TCEA2: variants seen among roughly 807,000 people sequenced by gnomAD.
TCEA2 encodes transcription elongation factor A2.
TCEA2 carries 21 observed loss-of-function variants against 40.8 expected under a neutral mutation model. The ratio of observed to expected loss-of-function variants is 0.51; its 90% CI spans 0.36 to 0.74. The LOEUF (loss-of-function observed/expected upper bound fraction) is 0.74, where lower values mean the gene tolerates loss of function less well. TCEA2 is among the 30% of genes least tolerant of loss of function. The pLI, the probability that TCEA2 is intolerant of heterozygous loss-of-function variation, is 0.00. For missense variants in TCEA2, 326 were observed against 426.5 expected, an observed-to-expected ratio of 0.76 and a Z score of 2.08; for synonymous variants, 165 against 162.7, an observed-to-expected ratio of 1.01 and a Z score of -0.11.
chr20:64,063,817 A>C (rs2145458894), intron 1 of TCEA2: 1 of 171,574 alleles, frequency 5.8e-6, no homozygotes, highest in Non-Finnish European at 1.2e-5. Context: ...GCCTTCCTCC[A>C]TCCCGGCCTG....
At chr20:64,069,521 C>G in intron 5 of TCEA2, 30 bp downstream of exon 5, 1 of 1,606,662 alleles carries the variant, frequency 6.2e-7, no homozygotes, top group Non-Finnish European at 8.5e-7. Context: ...GCTCCTGACA[C>G]CCGCTGTGGT....
Position 64,066,518 on chromosome 20 carries a change from A to G in TCEA2, c.115A>G (p.Ile39Val), listed in dbSNP as rs750355777. 8 of 1,613,732 alleles carry G rather than the reference A, an allele frequency of 5.0e-6. No homozygotes were observed. In the South Asian group the frequency reaches 7.7e-5, roughly 16 times the overall value. ...DLLRELKAMPITLHLLQSTRV... is the reference protein window; with the variant it reads ...DLLRELKAMPVTLHLLQSTRV... ...GCTGCGGGAGCTGAAGGCCATGCCT[A>G]TCACGCTGCACCTGCTCCAGGTAGG... Residue 39 changes from isoleucine to valine, a missense_variant, in exon 2 of 10, where the codon ATC becomes GTC. Coordinates refer to ENST00000343484, the MANE Select transcript of TCEA2 (RefSeq NM_003195.6).
upstream of TCEA2, among the ~76,000 whole-genome samples, chr20:64,060,705 TTAA>T (rs1367756829): frequency 8.5e-5 from 13 of 152,250 alleles, no homozygotes; most frequent in African/African-American, 2.9e-4. Context: ...TGTTCATCTA[TTAA>T]TAATAATAAT....
intron 1 of TCEA2, chr20:64,063,606 T>A: frequency 1.7e-6 from 1 of 597,666 alleles, no homozygotes; most frequent in Non-Finnish European, 2.9e-6. Flanking sequence ...GAGGCCGCGA[T>A]CAGGCCTGGA....
upstream of TCEA2, among the ~76,000 whole-genome samples, chr20:64,061,153 T>G (rs1409974107): frequency 1.6e-5 from 2 of 127,090 alleles, no homozygotes; most frequent in Non-Finnish European, 3.1e-5. Context: ...CAGGCTGGAG[T>G]GCAGTGGCAC....
chr20:64,063,406 G>A (rs2059613195), intron 1 of TCEA2, 22 bp downstream of exon 1: 2 of 1,541,762 alleles, frequency 1.3e-6, no homozygotes, highest in East Asian at 2.5e-5. Flanking sequence ...GGGCCGCCAG[G>A]ACCCCGGGAA....
At chr20:64,069,528 T>C in intron 5 of TCEA2, 37 bp downstream of exon 5, 2 of 1,604,428 alleles carry the variant, frequency 1.2e-6, no homozygotes, top group Non-Finnish European at 1.7e-6. Context: ...ACACCCGCTG[T>C]GGTTCACAGG....
chr20:64,071,990 T>G, intron 9 of TCEA2, 49 bp downstream of exon 9: 1 of 1,611,700 alleles, frequency 6.2e-7, no homozygotes, highest in Non-Finnish European at 8.5e-7. Context: ...TCTCTGGAGG[T>G]GGGGTGTCTC....
In TCEA2 at chr20:64,066,925, TC is replaced by T; in HGVS notation, c.147del (p.Met51CysfsTer96). The T allele has an allele frequency of 6.2e-7, 1 of 1,613,508 alleles. No homozygotes were observed. The stretch of plus-strand genomic sequence containing the variant: ...CCACTTGCCTCGTAGTCCACCCGAG[TC>T]GGGATGTCTGTCAACGCCCTTCGGA... ...ITLHLLQSTR[V>X]GMSVNALRKQ... On this transcript the variant is annotated frameshift_variant, in exon 3 of 10. Transcript: ENST00000343484. LOFTEE classifies it high-confidence loss of function.
chr20:64,062,372 T>G (rs371943777), upstream of TCEA2: 2 of 152,328 alleles, frequency 1.3e-5, no homozygotes, highest in Non-Finnish European at 2.9e-5. Flanking sequence ...CCTAGGGACC[T>G]CCAACAACAA....
upstream of TCEA2, among the ~76,000 whole-genome samples, chr20:64,060,408 G>A (rs538216398): frequency 3.9e-5 from 6 of 152,332 alleles, no homozygotes; most frequent in South Asian, 2.1e-4. Flanking sequence ...CTGGCCGCCC[G>A]GACCTCCGAA....
chr20:64,070,355 C>G lies in TCEA2; in HGVS notation c.613C>G (p.Arg205Gly). The G allele has an allele frequency of 6.2e-7, 1 of 1,614,214 alleles. No homozygotes were observed. Among genetic ancestry groups the G allele is most frequent in the Non-Finnish European group, 8.5e-7 (1 of 1,180,036 alleles). ...GAAGGATGCCAAGAACCCTGACCTG[C>G]GGCGGAATGTGCTGTGTGGGGCCAT... ...NLKDAKNPDL[R>G]RNVLCGAITP... Residue 205 changes from arginine to glycine, a missense_variant, in exon 7 of 10, where the codon CGG (arginine) becomes GGG (glycine). By Grantham distance (125) the Arg-to-Gly change is moderately radical (BLOSUM62 -2). Coordinates refer to ENST00000343484, the MANE Select transcript of TCEA2 (RefSeq NM_003195.6).
chr20:64,063,674 C>G (rs916126304), intron 1 of TCEA2: 3 of 482,786 alleles, frequency 6.2e-6, no homozygotes, highest in African/African-American at 4.1e-5. Flanking sequence ...CCCGCAGTCA[C>G]AGGCTCCGCA....
intron 6 of TCEA2, 179 bp downstream of exon 6, chr20:64,070,000 T>C: frequency 1.1e-6 from 1 of 903,796 alleles, no homozygotes; most frequent in East Asian, 2.6e-5. Flanking sequence ...CCGGACCAGC[T>C]GAAGGGCTGA....
upstream of TCEA2, among the ~76,000 whole-genome samples, chr20:64,060,668 G>T (rs142775071): frequency 7.4e-4 from 112 of 152,282 alleles, no homozygotes; most frequent in Non-Finnish European, 1.4e-3. Flanking sequence ...TCACTGTGAG[G>T]GGCAGAATCA....
At chr20:64,071,536 C>T (rs1197326350) in intron 8 of TCEA2, among the ~76,000 whole-genome samples, 1 of 152,194 alleles carries the variant, frequency 6.6e-6, no homozygotes, top group Non-Finnish European at 1.5e-5. Context: ...GCCGGAGGCT[C>T]ACCCTTGGGC....
chr20:64,059,337 C>T (rs947944168), upstream of TCEA2, among the ~76,000 whole-genome samples: 6 of 152,312 alleles, frequency 3.9e-5, no homozygotes, highest in South Asian at 1.2e-3. Context: ...GACCGCCCCC[C>T]ACCAGCTCCC....
Position 64,069,256 on chromosome 20 carries a change from G to A in TCEA2, c.330-105G>A, listed in dbSNP as rs1309608596. On this transcript the variant is annotated intron_variant, in intron 4 of 9. Coordinates refer to ENST00000343484, the MANE Select transcript of TCEA2 (RefSeq NM_003195.6). ...CTCTGGCAGAGTAGAACAAGCAGGG[G>A]TTGGTGGGGGATTATGCTGTGGCAC... 4.1e-6 allele frequency: 6 copies of A among 1,447,154 alleles called. No individual in the cohort carries two copies. The South Asian group carries it at 5.5e-5, about 13-fold the overall frequency. The allele number at this position is 1,447,154 out of a possible 1,614,324, so 89.6% of individuals were successfully genotyped here.
exon 1 of TCEA2, chr20:64,057,468 G>A (rs573899839): frequency 1.3e-5 from 2 of 152,430 alleles, no homozygotes; most frequent in East Asian, 3.9e-4. Context: ...GCACAGGGGA[G>A]GGAAAGTTCT....
Sources: allele counts gnomAD v4.1 joint callset (sites outside exome capture counted in the v4.1 genomes callset), GRCh38; gene constraint gnomAD v4.1.1; transcripts MANE v1.5; gene names NCBI Gene and HGNC (gene_info 2026-07-23, HGNC 2026-07-21).